The following SLC6A6 variants were observed in gnomAD, a reference collection of about 807,000 sequenced individuals.
The protein encoded by SLC6A6 is sodium- and chloride-dependent taurine transporter.
Under a neutral mutation model 68.8 loss-of-function variants are expected in SLC6A6, and 16 were observed. That is an observed-to-expected ratio of 0.23 (90% CI 0.16 to 0.35). The LOEUF is 0.35. Ranked by LOEUF, SLC6A6 falls within the 10% of genes least tolerant of loss-of-function variation. The pLI, the probability that SLC6A6 is intolerant of heterozygous loss-of-function variation, is 1.00. For synonymous variants in SLC6A6, 312 were observed against 315.4 expected (o/e 0.99, Z 0.12); for missense variants, 474 against 802.8 (o/e 0.59, Z 4.95).
chr3:14,432,409 C>T (rs1361674179), intron 2 of SLC6A6, among the ~76,000 whole-genome samples: 4 of 152,184 alleles, frequency 2.6e-5, no homozygotes, highest in East Asian at 3.9e-4. Context: ...CCTGTCCTGT[C>T]GCTGGTGAGT....
At chr3:14,448,063 A>C (rs1374735982) in intron 5 of SLC6A6, 2 of 1,203,658 alleles carry the variant, frequency 1.7e-6, no homozygotes, top group Non-Finnish European at 2.2e-6. Context: ...CTTTACCTGT[A>C]AGATAAAAAG....
chr3:14,416,816 G>C (rs1222527151), intron 2 of SLC6A6, among the ~76,000 whole-genome samples: 10 of 152,344 alleles, frequency 6.6e-5, no homozygotes. Context: ...CTGAGGATTG[G>C]GGTCTGAGCT....
chr3:14,451,797 C>T (rs1161906953), intron 5 of SLC6A6, among the ~76,000 whole-genome samples: 1 of 152,142 alleles, frequency 6.6e-6, no homozygotes, highest in East Asian at 1.9e-4. Flanking sequence ...AGCGTCTGAC[C>T]CTGGGGTTTC....
intron 2 of SLC6A6, among the ~76,000 whole-genome samples, chr3:14,442,792 A>G (rs1363945162): frequency 6.6e-6 from 1 of 152,206 alleles, no homozygotes; most frequent in Non-Finnish European, 1.5e-5. Flanking sequence ...GCCAAACCCA[A>G]CAGGGAGCCG....
Position 14,467,901 on chromosome 3 carries a change from C to T in SLC6A6, c.916C>T (p.Leu306=). 6.2e-7 allele frequency: 1 copy of T among 1,613,932 alleles called. No individual in the cohort carries two copies. Among genetic ancestry groups the T allele is most frequent in the African/African-American group, 1.3e-5 (1 of 75,008 alleles). ...TQIFFSYAIC[L]GAMTSLGSYN... ...GATATTCTTCTCTTATGCCATCTGCCTGGGGGCTATGACCTCGCTGGGGAG... is the reference window on the plus strand; with the variant it reads ...GATATTCTTCTCTTATGCCATCTGCTTGGGGGCTATGACCTCGCTGGGGAG... The change falls in exon 8 of 15, where the codon CTG becomes TTG. Residue 306 remains leucine, a synonymous_variant. Coordinates refer to ENST00000622186, the MANE Select transcript of SLC6A6 (RefSeq NM_003043.6).
At position 14,483,062 on chromosome 3, in the gene SLC6A6, CA is replaced by C. The variant is rs1701045337; in HGVS notation, c.1722+1224del. Among the ~76,000 whole-genome samples the C allele has an allele frequency of 2.0e-5, 3 of 152,144 alleles. No individual in the cohort carries two copies. In the South Asian group the frequency reaches 6.2e-4, roughly 32 times the overall value. ...GTCTCTGCTCTGATTGGTGAGTGCC[CA>C]AAGCAATTACATACCATTGGTTCAG... On this transcript the variant is annotated intron_variant, in intron 14 of 14. Transcript: ENST00000622186.
At chr3:14,430,148 G>A (rs1241467171) in intron 2 of SLC6A6, among the ~76,000 whole-genome samples, 6 of 152,156 alleles carry the variant, frequency 3.9e-5, no homozygotes, top group Non-Finnish European at 7.4e-5. Flanking sequence ...AAATAAGGTG[G>A]CAGAGATTGG....
At chr3:14,453,074 C>T in intron 5 of SLC6A6, among the ~76,000 whole-genome samples, 1 of 152,250 alleles carries the variant, frequency 6.6e-6, no homozygotes, top group East Asian at 1.9e-4. Context: ...GGCTGCACGG[C>T]CCCGTGCTCT....
At chr3:14,469,547 G>A (rs1171977402) in intron 9 of SLC6A6, among the ~76,000 whole-genome samples, 1 of 152,230 alleles carries the variant, frequency 6.6e-6, no homozygotes, top group African/African-American at 2.4e-5. Context: ...GAGAGCAAGG[G>A]CTTTGCTTGG....
At position 14,483,361 on chromosome 3, in the gene SLC6A6, G is replaced by T. The variant is rs560042003; in HGVS notation, c.1723-1506G>T. ...GCTCCCACCTGCACAAGTCATCAAG[G>T]TGTCCTCCCAGCCATGAGCTTCTCT... On this transcript the variant is annotated intron_variant, in intron 14 of 14. Coordinates refer to ENST00000622186, the MANE Select transcript of SLC6A6 (RefSeq NM_003043.6). 2.0e-5 allele frequency among the ~76,000 whole-genome samples: 3 copies of T among 152,336 alleles called. No homozygotes were observed. The East Asian group carries it at 5.8e-4, about 29-fold the overall frequency.
chr3:14,422,165 G>T (rs1287602668), intron 2 of SLC6A6, among the ~76,000 whole-genome samples: 1 of 152,168 alleles, frequency 6.6e-6, no homozygotes, highest in Admixed American at 6.5e-5. Flanking sequence ...GCACCGCCAG[G>T]ATCCCTGGGG....
At chr3:14,436,530 CCTTTTTTTTTTTTTTTTTTTTT>C (rs1699855070) in intron 2 of SLC6A6, among the ~76,000 whole-genome samples, 3 of 125,080 alleles carry the variant, frequency 2.4e-5, no homozygotes, top group Non-Finnish European at 5.0e-5. Flanking sequence ...ACAACAACTC[CCTTTTTTTTTTTTTTTTTTTTT>C]TTTTTTTTTT....
chr3:14,469,308 G>A (rs1044011288), intron 9 of SLC6A6, among the ~76,000 whole-genome samples: 7 of 152,070 alleles, frequency 4.6e-5, no homozygotes, highest in South Asian at 4.1e-4. Flanking sequence ...CTTCCAAGCC[G>A]AAGGGAGAGC....
intron 1 of SLC6A6, among the ~76,000 whole-genome samples, chr3:14,415,953 T>A (rs757717454): frequency 1.3e-5 from 2 of 152,170 alleles, no homozygotes; most frequent in Admixed American, 6.5e-5. Context: ...GGGCTTTCTG[T>A]GGCTAGGGCT....
chr3:14,403,544 G>C (rs1559279467), intron 1 of SLC6A6, among the ~76,000 whole-genome samples: 1 of 152,202 alleles, frequency 6.6e-6, no homozygotes, highest in East Asian at 1.9e-4. Context: ...CCGGCGCTGA[G>C]TGGGGAGAGG....
Position 14,445,760 on chromosome 3 carries a change from C to T in SLC6A6, c.273C>T (p.Gly91=). The T allele has an allele frequency of 6.2e-7, 1 of 1,614,152 alleles. No individual in the cohort carries two copies. The highest frequency in any genetic ancestry group is 1.1e-5 in the South Asian group (1 of 91,088). ...IPYFIFLFGS[G]LPVFFLEIII... is the part of the protein sequence containing the mutation. ...ATTTTATTTTCCTGTTTGGGAGCGG[C>T]CTGCCTGTGTTTTTCTTGGAGATCA... Residue 91 remains glycine, a synonymous_variant, in exon 4 of 15, where the codon GGC becomes GGT. Transcript: ENST00000622186.
rs367789535 is a variant in SLC6A6, at chr3:14,445,597, C to T, written c.230-120C>T. 306 of 1,172,472 alleles carry T rather than the reference C, an allele frequency of 2.6e-4. 2 individuals carry two copies. The East Asian group carries it at 5.2e-3, about 20-fold the overall frequency. The allele number at this position is 1,172,472 out of a possible 1,614,324, so 72.6% of individuals were successfully genotyped here. On this transcript the variant is annotated intron_variant, in intron 3 of 14. Coordinates refer to ENST00000622186, the MANE Select transcript of SLC6A6 (RefSeq NM_003043.6). ...TTCCCACCAGGTCCAAGAGTTTGGC[C>T]TTGAGCCTCATGCCCCTCATGCATT...
rs1483936272 is a variant in SLC6A6, at chr3:14,472,737, G to A, written c.1209+420G>A. Among the ~76,000 whole-genome samples the A allele has an allele frequency of 3.3e-5, 5 of 152,202 alleles. No individual in the cohort carries two copies. The highest frequency in any genetic ancestry group is 5.9e-5 in the Non-Finnish European group (4 of 68,034). On this transcript the variant is annotated intron_variant, in intron 10 of 14. Transcript: ENST00000622186. The surrounding 1 kb of genome is among the most constrained non-coding windows in gnomAD (Gnocchi z 4.5). ...GGGCACAGGAGGACATGGCAGATGG[G>A]CGATTCGGAGAAGGGACCCACATTT...
chr3:14,439,056 C>G lies in SLC6A6; in HGVS notation c.-11-4568C>G, dbSNP rs368835369. Among the ~76,000 whole-genome samples, 4 of 152,166 alleles carry G rather than the reference C, an allele frequency of 2.6e-5. No homozygotes were observed. In the East Asian group the frequency reaches 7.7e-4, roughly 29 times the overall value. On this transcript the variant is annotated intron_variant, in intron 2 of 14. Transcript: ENST00000622186. Reference sequence around the variant, plus strand: ...CCCAGCTGGCTGGTGCTCAGGGCACCGGGAGGGATGCAGAGCAAGATATAG... The same window carrying G: ...CCCAGCTGGCTGGTGCTCAGGGCACGGGGAGGGATGCAGAGCAAGATATAG...
Sources: gnomAD v4.1 joint callset for allele counts (sites outside exome capture counted in the v4.1 genomes callset) on GRCh38, gnomAD v4.1.1 for gene constraint, Gnocchi (gnomAD v3.1) non-coding constraint, MANE v1.5 for transcripts, NCBI Gene and HGNC (gene_info 2026-07-23, HGNC 2026-07-21) for gene names.